The following ATP2A2 variants were observed in gnomAD, a reference collection of about 807,000 sequenced individuals.
ATP2A2 encodes ATPase sarcoplasmic/endoplasmic reticulum Ca2+ transporting 2, also known as sarcoplasmic/endoplasmic reticulum calcium ATPase 2.
In ATP2A2, 14 loss-of-function variants were observed where a neutral mutation model predicts 109.3. That is an observed-to-expected ratio of 0.13 (90% CI 0.08 to 0.20). The LOEUF is 0.20. Ranked by LOEUF, ATP2A2 falls within the 10% of genes least tolerant of loss-of-function variation. The probability of loss-of-function intolerance (pLI) is 1.00; values close to 1 mark genes in which losing one functional copy is unlikely to be tolerated. For missense variants in ATP2A2, 657 were observed against 1,321.6 expected, an observed-to-expected ratio of 0.50 and a Z score of 7.80; for synonymous variants, 506 against 490.9, an observed-to-expected ratio of 1.03 and a Z score of -0.41.
chr12:110,324,386 T>C (rs1293014190), intron 6 of ATP2A2, among the ~76,000 whole-genome samples: 1 of 152,154 alleles, frequency 6.6e-6, no homozygotes, highest in South Asian at 2.1e-4. Context: ...TGTGAAATTC[T>C]CATAGTGTGC....
chr12:110,285,814 T>C (rs774150128), intron 3 of ATP2A2, among the ~76,000 whole-genome samples: 44 of 152,056 alleles, frequency 2.9e-4, no homozygotes, highest in Non-Finnish European at 4.1e-4. Flanking sequence ...AAAATGCTAA[T>C]AAAACTTTCT....
intron 5 of ATP2A2, among the ~76,000 whole-genome samples, chr12:110,317,134 A>G (rs757194084): frequency 5.3e-5 from 8 of 152,186 alleles, no homozygotes; most frequent in South Asian, 2.1e-4. Context: ...CTAAACTACA[A>G]AATTTATGAC....
chr12:110,336,795 C>G (rs981603412), intron 11 of ATP2A2, among the ~76,000 whole-genome samples: 1 of 152,220 alleles, frequency 6.6e-6, no homozygotes, highest in Non-Finnish European at 1.5e-5. Flanking sequence ...TTGGACCACT[C>G]CTTTGGCTTC....
At position 110,339,263 on chromosome 12, in the gene ATP2A2, T is replaced by C; in HGVS notation, c.1420-18T>C. ...AGAAATTGCCACCCAGTAGTATCCA[T>C]ATTTGTTCCCTTTGTAGGTCATTAA... On this transcript the variant is annotated intron_variant, in intron 11 of 19. Coordinates refer to ENST00000539276, the MANE Select transcript of ATP2A2 (RefSeq NM_170665.4). This position sits in a 1 kb window ranked among gnomAD's most constrained non-coding sequence, Gnocchi z 4.4. The C allele has an allele frequency of 6.2e-7, 1 of 1,613,722 alleles. No homozygotes were observed. The highest frequency in any genetic ancestry group is 8.5e-7 in the Non-Finnish European group (1 of 1,179,964).
intron 11 of ATP2A2, among the ~76,000 whole-genome samples, chr12:110,336,907 G>A (rs995013375): frequency 6.6e-6 from 1 of 152,180 alleles, no homozygotes; most frequent in African/African-American, 2.4e-5. Flanking sequence ...CGCTGCCTGT[G>A]ATCTATTAGT....
chr12:110,350,281 T>C lies in ATP2A2; in HGVS notation c.*3811T>C. The C allele has an allele frequency of 2.5e-6, 4 of 1,614,254 alleles. No individual in the cohort carries two copies. Among genetic ancestry groups the C allele is most frequent in the Non-Finnish European group, 3.4e-6 (4 of 1,180,050 alleles). On this transcript the variant is annotated 3_prime_UTR_variant, in exon 20 of 20. Coordinates refer to ENST00000539276, the MANE Select transcript of ATP2A2 (RefSeq NM_170665.4). ...TTCATGAAGCTGATTTCCTCTCTCT[T>C]TCCTTTTCAGCAATACTGGAGTAAC...
At chr12:110,326,128 TAATC>T (rs921747630) in intron 6 of ATP2A2, 4 of 518,092 alleles carry the variant, frequency 7.7e-6, no homozygotes, top group Admixed American at 3.2e-5. Context: ...CTCCAGAAAA[TAATC>T]AATGGGGATT....
rs942973665 is a variant in ATP2A2, at chr12:110,346,480, T to C, written c.*10T>C. 6 of 1,614,210 alleles carry C rather than the reference T, an allele frequency of 3.7e-6. No homozygotes were observed. Among genetic ancestry groups the C allele is most frequent in the South Asian group, 3.3e-5 (3 of 91,080 alleles). ...TATGTTCTGGTCTTGACTGACAGTT[T>C]TCCATAAAGAAGATGTTTAACTTAA... On this transcript the variant is annotated 3_prime_UTR_variant, in exon 20 of 20. Coordinates refer to ENST00000539276, the MANE Select transcript of ATP2A2 (RefSeq NM_170665.4).
rs1877923101 is a variant in ATP2A2 at position 110,327,478 on chromosome 12, A to C, written c.631-75A>C. ...AATGTGTAGAGAATCTGGGTGCCCT[A>C]GTCAAAAACCAGCGTCGGTATTTAA... On this transcript the variant is annotated intron_variant, in intron 7 of 19. Transcript: ENST00000539276. This position sits in a 1 kb window ranked among gnomAD's most constrained non-coding sequence, Gnocchi z 4.4. 1.5e-6 allele frequency: 2 copies of C among 1,376,136 alleles called. No individual in the cohort carries two copies. The highest frequency in any genetic ancestry group is 2.1e-6 in the Non-Finnish European group (2 of 963,574). The allele number at this position is 1,376,136 out of a possible 1,614,324, so 85.2% of individuals were successfully genotyped here.
At chr12:110,299,517 G>C (rs559776070) in intron 5 of ATP2A2, among the ~76,000 whole-genome samples, 1 of 152,120 alleles carries the variant, frequency 6.6e-6, no homozygotes, top group Non-Finnish European at 1.5e-5. Flanking sequence ...GTTTTTGGCA[G>C]GTCTCAACCT....
In ATP2A2 at chr12:110,343,254, G is replaced by A; in HGVS notation, c.2341G>A (p.Gly781Arg). The change falls in exon 16 of 20, where the codon GGA (glycine) becomes AGA (arginine). Residue 781 changes from glycine to arginine, a missense_variant. By Grantham distance (125) the Gly-to-Arg change is moderately radical. Transcript: ENST00000539276. ...CAGTATTTTCCTGACAGCAGCCCTT[G>A]GATTTCCCGAGGCTTTGATTCCTGT... Reference protein sequence around the residue: ...VVCIFLTAALGFPEALIPVQL... With the variant: ...VVCIFLTAALRFPEALIPVQL... 3 of 1,614,106 alleles carry A rather than the reference G, an allele frequency of 1.9e-6. No individual in the cohort carries two copies. Among genetic ancestry groups the A allele is most frequent in the Non-Finnish European group, 2.5e-6 (3 of 1,180,032 alleles).
intron 5 of ATP2A2, among the ~76,000 whole-genome samples, chr12:110,303,645 C>T (rs1489250698): frequency 1.3e-5 from 2 of 152,130 alleles, no homozygotes; most frequent in African/African-American, 4.8e-5. Context: ...CCCCTGACCT[C>T]GTGATCCATC....
chr12:110,333,394 T>C (rs1329078530), intron 10 of ATP2A2, 111 bp downstream of exon 10: 1 of 1,039,574 alleles, frequency 9.6e-7, no homozygotes, highest in Non-Finnish European at 1.5e-6. Flanking sequence ...GGGTGCCTGA[T>C]TTTGTTTCCC....
intron 8 of ATP2A2, chr12:110,332,082 AAGCAGTTTG>A: frequency 5.4e-6 from 1 of 186,136 alleles, no homozygotes; most frequent in Non-Finnish European, 1.1e-5. Context: ...AGGAGCAGAG[AAGCAGTTTG>A]TCTTATTTTA....
intron 9 of ATP2A2, 72 bp from the exon 10 acceptor site, chr12:110,333,109 G>GGGGGGCA: frequency 7.9e-7 from 1 of 1,267,672 alleles, no homozygotes; most frequent in Non-Finnish European, 1.1e-6. Flanking sequence ...AACAATTGCG[G>GGGGGGCA]GGGGGCAGGG....
Position 110,349,825 on chromosome 12 carries a change from A to AATG in ATP2A2, c.*3359_*3361dup. ...GGCTTCACCCTCCTTTACTGAGGAGAATGATGCGGAGGAGTTTCCTCTCCA... is the reference window on the plus strand; with the variant it reads ...GGCTTCACCCTCCTTTACTGAGGAGAATGATGATGCGGAGGAGTTTCCTCTCCA... On this transcript the variant is annotated 3_prime_UTR_variant, in exon 20 of 20. Transcript: ENST00000539276. 9.6e-7 allele frequency: 1 copy of AATG among 1,042,508 alleles called. No homozygotes were observed. The allele number at this position is 1,042,508 out of a possible 1,614,324, so 64.6% of individuals were successfully genotyped here.
At position 110,334,032 on chromosome 12, in the gene ATP2A2, A is replaced by T; in HGVS notation, c.1308A>T (p.Lys436Asn). ...TACAGGCAAAGGGTGTGTATGAAAAAGTTGGAGAAGCTACAGAGACTGCTC... is the reference window on the plus strand; with the variant it reads ...TACAGGCAAAGGGTGTGTATGAAAATGTTGGAGAAGCTACAGAGACTGCTC... Reference protein sequence around the residue: ...DYNEAKGVYEKVGEATETALT... With the variant: ...DYNEAKGVYENVGEATETALT... Residue 436 changes from lysine (K) to asparagine (N), a missense_variant, in exon 11 of 20, where the codon AAA (lysine) becomes AAT (asparagine). Lys to Asn is a moderately conservative substitution (Grantham distance 94). Around this residue, in one of 9 missense-constraint regions of ATP2A2, gnomAD observed 180 missense variants for 329.1 expected, o/e 0.55. Coordinates refer to ENST00000539276, the MANE Select transcript of ATP2A2 (RefSeq NM_170665.4). 1.2e-6 allele frequency: 2 copies of T among 1,614,130 alleles called. No individual in the cohort carries two copies. The highest frequency in any genetic ancestry group is 1.7e-6 in the Non-Finnish European group (2 of 1,180,026).
intron 5 of ATP2A2, among the ~76,000 whole-genome samples, chr12:110,314,718 TAGAAATAATAGTCTCAAAATTTC>T (rs914610997): frequency 6.6e-6 from 1 of 152,226 alleles, no homozygotes; most frequent in Non-Finnish European, 1.5e-5. Context: ...GTACCTGGTC[TAGAAATAATAGTCTCAAAATTTC>T]ATTGCTTATT....
At chr12:110,332,382 G>A (rs530622278) in intron 8 of ATP2A2, 4 of 578,912 alleles carry the variant, frequency 6.9e-6, no homozygotes, top group Admixed American at 5.4e-5. Flanking sequence ...CGATTGGTCG[G>A]GGGTGTGATG....
Sources: allele counts gnomAD v4.1 joint callset (sites outside exome capture counted in the v4.1 genomes callset), GRCh38; gene constraint gnomAD v4.1.1; regional missense constraint gnomAD v4.1.1; non-coding constraint Gnocchi (gnomAD v3.1); transcripts MANE v1.5; gene names NCBI Gene and HGNC (gene_info 2026-07-23, HGNC 2026-07-21).